IGSF8: variants seen among roughly 807,000 people sequenced by gnomAD.
The protein encoded by IGSF8 is immunoglobulin superfamily member 8, also known as CD81 partner 3.
A neutral mutation model predicts 55.5 loss-of-function variants in IGSF8; 46 were observed. The ratio of observed to expected loss-of-function variants is 0.83; its 90% CI spans 0.65 to 1.06. IGSF8 has a LOEUF of 1.06. IGSF8 is among the 50% of genes least tolerant of loss of function. The pLI is 0.00. For missense variants in IGSF8, 731 were observed against 832.3 expected, an observed-to-expected ratio of 0.88 and a Z score of 1.50; for synonymous variants, 314 against 356.1, an observed-to-expected ratio of 0.88 and a Z score of 1.33.
chr1:160,093,450 C>G (rs1167308491), intron 3 of IGSF8, 119 bp from the exon 4 acceptor site: 2 of 993,968 alleles, frequency 2.0e-6, no homozygotes, highest in Non-Finnish European at 3.0e-6. Context: ...CTGTCTCCCC[C>G]TCACTAGGTA....
rs765060403 is a variant in IGSF8, at chr1:160,093,227, G to A, written c.1009C>T (p.Arg337Cys). 1.4e-5 allele frequency: 22 copies of A among 1,613,918 alleles called. 1 individual carries two copies. The highest frequency in any genetic ancestry group is 1.2e-4 in the South Asian group (11 of 91,084). The change falls in exon 4 of 7, where the codon CGT becomes TGT. Residue 337 changes from arginine (R) to cysteine (C), a missense_variant. Transcript: ENST00000314485. ...CAACCTACAGAGTATGCAGCATGAC[G>A]GCCTGCTGGGGGAAGTGCCCCTGAC... The part of the protein sequence containing the change: ...NVSGALPPAG[R>C]HAAYSVGWEM...
chr1:160,097,438 T>TG (rs2101967649), intron 1 of IGSF8, among the ~76,000 whole-genome samples: 1 of 152,294 alleles, frequency 6.6e-6, no homozygotes, highest in Non-Finnish European at 1.5e-5. Context: ...TGTGGAGCTC[T>TG]GGTCTAGAAA....
chr1:160,096,215 T>A (rs1650424698), intron 1 of IGSF8, among the ~76,000 whole-genome samples: 1 of 152,012 alleles, frequency 6.6e-6, no homozygotes, highest in South Asian at 2.1e-4. Flanking sequence ...TTTCCTTCCA[T>A]AGCTCCCACT....
Position 160,093,349 on chromosome 1 carries a change from G to A in IGSF8, c.905-18C>T, listed in dbSNP as rs780751120. On this transcript the variant is annotated intron_variant, in intron 3 of 6. Transcript: ENST00000314485. ...CTGGCTGGCTGAAACACAGGTAGGG[G>A]AAGAGGTGTCATGGAGGCAGGAGGG... 6 of 1,565,760 alleles carry A rather than the reference G, an allele frequency of 3.8e-6. No homozygotes were observed. Among genetic ancestry groups the A allele is most frequent in the Non-Finnish European group, 5.2e-6 (6 of 1,148,800 alleles).
intron 1 of IGSF8, 35 bp downstream of exon 1, chr1:160,098,374 G>A (rs1650591354): frequency 2.6e-6 from 4 of 1,552,806 alleles, no homozygotes; most frequent in Non-Finnish European, 2.6e-6. Flanking sequence ...CACCTGCCCG[G>A]CAGGGCCGGG....
chr1:160,098,074 G>T, intron 1 of IGSF8: 1 of 723,474 alleles, frequency 1.4e-6, no homozygotes, highest in Non-Finnish European at 1.7e-6. Context: ...CTGAGTGTGG[G>T]GCAGAAAGGA....
At chr1:160,091,642 AGAGCCCT>A in intron 6 of IGSF8, 34 bp from the exon 7 acceptor site, 2 of 612,344 alleles carry the variant, frequency 3.3e-6, no homozygotes, top group South Asian at 3.9e-5. Flanking sequence ...CTAAGGACAG[AGAGCCCT>A]GAGTGGGGCT....
chr1:160,097,833 G>A, intron 1 of IGSF8: 1 of 985,494 alleles, frequency 1.0e-6, no homozygotes. Context: ...AGAGCCAAGT[G>A]CCATTTGGGA....
At position 160,093,350 on chromosome 1, in the gene IGSF8, AAG is replaced by A. The variant is rs757873106; in HGVS notation, c.905-21_905-20del. On this transcript the variant is annotated intron_variant, in intron 3 of 6. Coordinates refer to ENST00000314485, the MANE Select transcript of IGSF8 (RefSeq NM_052868.6). ...TGGCTGGCTGAAACACAGGTAGGGG[AAG>A]AGGTGTCATGGAGGCAGGAGGGGAC... The A allele has an allele frequency of 9.5e-5, 149 of 1,564,684 alleles. 1 individual carries two copies. The South Asian group carries it at 1.7e-3, about 18-fold the overall frequency.
intron 6 of IGSF8, 80 bp from the exon 7 acceptor site, chr1:160,091,688 C>T: frequency 2.9e-6 from 2 of 696,998 alleles, no homozygotes; most frequent in Non-Finnish European, 5.3e-6. Context: ...CTTAACAGGG[C>T]CCTGTGGATC....
At chr1:160,095,437 T>G (rs1650366944) in intron 1 of IGSF8, 191 bp from the exon 2 acceptor site, 9 of 639,414 alleles carry the variant, frequency 1.4e-5, no homozygotes, top group Admixed American at 3.0e-5. Context: ...CTCAAGGAGG[T>G]GGCATGGGCC....
Position 160,094,899 on chromosome 1 carries a change from C to G in IGSF8, c.412G>C (p.Gly138Arg), listed in dbSNP as rs1156554836. The change falls in exon 2 of 7, where the codon GGC (glycine) becomes CGC (arginine). Residue 138 changes from glycine (G) to arginine (R), a missense_variant. Transcript: ENST00000314485. The surrounding 1 kb of genome is among the most constrained non-coding windows in gnomAD (Gnocchi z 4.0). Reference sequence around the variant, plus strand: ...AGCTCCACCTTGCCGCTGTAGCTGCCCAGGTAGCGGGTATCAGTGGAGGGG... The same window carrying G: ...AGCTCCACCTTGCCGCTGTAGCTGCGCAGGTAGCGGGTATCAGTGGAGGGG... ...HTPSTDTRYL[G>R]SYSGKVELRV... 1.2e-6 allele frequency: 2 copies of G among 1,613,468 alleles called. No homozygotes were observed. The highest frequency in any genetic ancestry group is 1.3e-5 in the African/African-American group (1 of 74,828).
chr1:160,098,365 A>T lies in IGSF8; in HGVS notation c.64+44T>A, dbSNP rs1185788777. 3 of 1,552,840 alleles carry T rather than the reference A, an allele frequency of 1.9e-6. No homozygotes were observed. The African/African-American group carries it at 4.1e-5, about 21-fold the overall frequency. On this transcript the variant is annotated intron_variant, in intron 1 of 6. Coordinates refer to ENST00000314485, the MANE Select transcript of IGSF8 (RefSeq NM_052868.6). ...GCTAGGGGGGTGCTGGATGGCAGGC[A>T]CCTGCCCGGCAGGGCCGGGAACCGG...
At chr1:160,097,852 G>A (rs1650543233) in intron 1 of IGSF8, 3 of 985,498 alleles carry the variant, frequency 3.0e-6, no homozygotes, top group Non-Finnish European at 3.6e-6. Flanking sequence ...GAGACAGGAA[G>A]AAGGGCAAAG....
Position 160,093,985 on chromosome 1 carries a change from G to A in IGSF8, c.629C>T (p.Pro210Leu), listed in dbSNP as rs1650227818. 6.2e-7 allele frequency: 1 copy of A among 1,614,258 alleles called. No homozygotes were observed. The highest frequency in any genetic ancestry group is 2.2e-5 in the East Asian group (1 of 44,884). ...TTCCTGCAGAGTTGACCGCCCAACT[G>A]GTGCCTCGGGCACAGATCGCCCAAA... ...VSFGRSVPEA[P>L]VGRSTLQEVV... The change falls in exon 3 of 7, where the codon CCA (proline) becomes CTA (leucine). Residue 210 changes from proline (P) to leucine (L), a missense_variant. Physicochemically the swap from Pro to Leu is moderately conservative, Grantham distance 98. Transcript: ENST00000314485.
At chr1:160,095,486 C>T (rs745557588) in intron 1 of IGSF8, among the ~76,000 whole-genome samples, 1 of 152,228 alleles carries the variant, frequency 6.6e-6, no homozygotes, top group Admixed American at 6.5e-5. Flanking sequence ...CCATTTCTGG[C>T]GGACTAGAAG....
At chr1:160,093,401 T>C in intron 3 of IGSF8, 70 bp from the exon 4 acceptor site, 1 of 1,446,080 alleles carries the variant, frequency 6.9e-7, no homozygotes, top group Non-Finnish European at 9.4e-7. Flanking sequence ...ATTCCCCAAC[T>C]TCCTGTTTCC....
At chr1:160,091,750 C>T (rs1649967640) in intron 6 of IGSF8, 58 bp downstream of exon 6, 1 of 1,103,932 alleles carries the variant, frequency 9.1e-7, no homozygotes, top group African/African-American at 1.5e-5. Flanking sequence ...CAGCTTGGTT[C>T]AGGACTTGGG....
In IGSF8 at chr1:160,091,442, G is replaced by C; in HGVS notation, c.*182C>G. The C allele has an allele frequency of 4.3e-6, 1 of 234,138 alleles. No homozygotes were observed. Among genetic ancestry groups the C allele is most frequent in the Non-Finnish European group, 8.4e-6 (1 of 118,848 alleles). The allele number at this position is 234,138 out of a possible 1,614,324, so 14.5% of individuals were successfully genotyped here. A position where few individuals can be genotyped will look rare whatever the true frequency, so the allele number is the denominator to read the frequency against. On this transcript the variant is annotated 3_prime_UTR_variant, in exon 7 of 7. Transcript: ENST00000314485. ...CTAAGAGATCAAGAACAGAAGGCCA[G>C]AGGGAGGGGCTTGGGAGGGAAGGAG...
Sources: gnomAD v4.1 joint callset for allele counts (sites outside exome capture counted in the v4.1 genomes callset) on GRCh38, gnomAD v4.1.1 for gene constraint, Gnocchi (gnomAD v3.1) non-coding constraint, MANE v1.5 for transcripts, NCBI Gene and HGNC (gene_info 2026-07-23, HGNC 2026-07-21) for gene names.